The following EPHB1 variants were observed in gnomAD, a reference collection of about 807,000 sequenced individuals.
The protein encoded by EPHB1 is EPH receptor B1.
In EPHB1, 30 loss-of-function variants were observed where a neutral mutation model predicts 94.4. The ratio of observed to expected loss-of-function variants is 0.32; its 90% CI spans 0.24 to 0.43. The LOEUF is 0.43. Ranked by LOEUF, EPHB1 falls within the 20% of genes least tolerant of loss-of-function variation. The pLI, the probability that EPHB1 is intolerant of heterozygous loss-of-function variation, is 1.00. For synonymous variants in EPHB1, 522 were observed against 489.1 expected, an observed-to-expected ratio of 1.07 and a Z score of -0.89; for missense variants, 1,055 against 1,308.3, an observed-to-expected ratio of 0.81 and a Z score of 2.99.
intron 1 of EPHB1, among the ~76,000 whole-genome samples, chr3:134,814,774 G>A (rs1042728154): frequency 6.6e-6 from 1 of 152,244 alleles, no homozygotes; most frequent in African/African-American, 2.4e-5. Context: ...TGCCATTGCA[G>A]ACGAAGCTTC....
intron 1 of EPHB1, among the ~76,000 whole-genome samples, chr3:134,879,130 C>T (rs1043019807): frequency 3.9e-5 from 6 of 152,170 alleles, no homozygotes; most frequent in Non-Finnish European, 8.8e-5. Flanking sequence ...GGAAACCCTC[C>T]TCCCCTTTTG....
At chr3:134,815,748 A>T (rs2036257394) in intron 1 of EPHB1, among the ~76,000 whole-genome samples, 1 of 151,586 alleles carries the variant, frequency 6.6e-6, no homozygotes, top group Non-Finnish European at 1.5e-5. Context: ...TTTTGATGCC[A>T]GGGACTTTCT....
rs142213501 is a variant in EPHB1 at position 135,251,738 on chromosome 3, G to A, written c.2846+2247G>A. 1.4e-3 allele frequency among the ~76,000 whole-genome samples: 213 copies of A among 152,332 alleles called. 2 individuals carry two copies. Among genetic ancestry groups the A allele is most frequent in the African/African-American group, 4.9e-3 (204 of 41,572 alleles). ...TCCCTTGGGAGACTGACTACCAGCT[G>A]AAAAGGGCATGGTGTGGGAGAGCCA... On this transcript the variant is annotated intron_variant, in intron 15 of 15. Transcript: ENST00000398015.
chr3:135,106,649 A>G (rs369730073), intron 4 of EPHB1, 46 bp downstream of exon 4: 109 of 1,607,042 alleles, frequency 6.8e-5, no homozygotes, highest in Middle Eastern at 5.0e-4. Context: ...TGGTTCCCTG[A>G]TGGTGCAAGT....
At chr3:135,232,512 A>C (rs1414256858) in intron 12 of EPHB1, among the ~76,000 whole-genome samples, 1 of 152,250 alleles carries the variant, frequency 6.6e-6, no homozygotes, top group African/African-American at 2.4e-5. Flanking sequence ...TGCCAACTCC[A>C]GGGTGACTCT....
At chr3:135,057,763 T>C (rs1937387762) in intron 3 of EPHB1, among the ~76,000 whole-genome samples, 1 of 152,252 alleles carries the variant, frequency 6.6e-6, no homozygotes, top group South Asian at 2.1e-4. Flanking sequence ...TATGTGTACA[T>C]ATATCTGTAT....
At chr3:135,256,257 C>G (rs1933380471) in intron 15 of EPHB1, among the ~76,000 whole-genome samples, 2 of 152,136 alleles carry the variant, frequency 1.3e-5, no homozygotes, top group Admixed American at 1.3e-4. Context: ...TTGATTCTGT[C>G]ATTATGATGT....
In EPHB1 at chr3:135,048,259, C is replaced by CTTTTTTTTTT. The variant is rs34135757; in HGVS notation, c.806-58175_806-58166dup. ...TTTTCTTTTTCTTTCTTTCTTTTTT[C>CTTTTTTTTTT]TTTTTTTTTTTTTTTTTTTTTTTGA... On this transcript the variant is annotated intron_variant, in intron 3 of 15. Coordinates refer to ENST00000398015, the MANE Select transcript of EPHB1 (RefSeq NM_004441.5). Among the ~76,000 whole-genome samples the CTTTTTTTTTT allele has an allele frequency of 1.7e-3, 94 of 55,208 alleles. 1 individual carries two copies. Among genetic ancestry groups the CTTTTTTTTTT allele is most frequent in the East Asian group, 1.9e-3 (3 of 1,584 alleles). The allele number at this position is 55,208 out of a possible 152,430, so 36.2% of individuals were successfully genotyped here. A position where few individuals can be genotyped will look rare whatever the true frequency, so the allele number is the denominator to read the frequency against.
chr3:135,178,978 A>G (rs530651787), intron 9 of EPHB1, among the ~76,000 whole-genome samples: 25 of 152,284 alleles, frequency 1.6e-4, no homozygotes, highest in African/African-American at 5.8e-4. Context: ...TTGAAAAATT[A>G]CATTGTGAAT....
intron 5 of EPHB1, among the ~76,000 whole-genome samples, chr3:135,149,665 A>G (rs781472983): frequency 6.6e-6 from 1 of 152,244 alleles, no homozygotes; most frequent in Non-Finnish European, 1.5e-5. Context: ...CGTGATTTTC[A>G]GGGAGGATAA....
intron 3 of EPHB1, among the ~76,000 whole-genome samples, chr3:135,006,301 G>A (rs1172675744): frequency 6.6e-6 from 1 of 152,190 alleles, no homozygotes; most frequent in African/African-American, 2.4e-5. Flanking sequence ...GAGACAGAAA[G>A]TAGAACAGAG....
chr3:135,157,362 C>T (rs565329711), intron 6 of EPHB1, among the ~76,000 whole-genome samples: 2 of 152,344 alleles, frequency 1.3e-5, no homozygotes, highest in East Asian at 3.9e-4. Context: ...TTGGCTCCTT[C>T]CTCCCAAACC....
intron 1 of EPHB1, among the ~76,000 whole-genome samples, chr3:134,815,845 T>G (rs2108287825): frequency 6.6e-6 from 1 of 152,334 alleles, no homozygotes. Context: ...TATAGAAAAG[T>G]CAAAAGTATG....
chr3:134,841,933 G>A (rs2036785582), intron 1 of EPHB1, among the ~76,000 whole-genome samples: 1 of 152,126 alleles, frequency 6.6e-6, no homozygotes, highest in Admixed American at 6.5e-5. Flanking sequence ...TTGAGAGCTG[G>A]GGAAAGGATA....
intron 10 of EPHB1, among the ~76,000 whole-genome samples, chr3:135,181,540 CTGTT>C (rs1409312138): frequency 2.0e-5 from 3 of 152,130 alleles, no homozygotes; most frequent in African/African-American, 7.2e-5. Flanking sequence ...GTCCTGTACT[CTGTT>C]TGCTCGTGTT....
Position 135,154,239 on chromosome 3 carries a change from G to A in EPHB1, c.1385G>A (p.Gly462Asp), listed in dbSNP as rs2107695148. The A allele has an allele frequency of 6.2e-7, 1 of 1,613,998 alleles. No individual in the cohort carries two copies. Among genetic ancestry groups the A allele is most frequent in the South Asian group, 1.1e-5 (1 of 91,088 alleles). The change falls in exon 6 of 16, where the codon GGC becomes GAC. Residue 462 changes from glycine to aspartate, a missense_variant. Coordinates refer to ENST00000398015, the MANE Select transcript of EPHB1 (RefSeq NM_004441.5). ...TGGCCACAGCCGGAGCAGCCCAATG[G>A]CATCATCCTGGACTATGAGATCCGG... ...LSWPQPEQPN[G>D]IILDYEIRYY...
intron 3 of EPHB1, among the ~76,000 whole-genome samples, chr3:135,088,679 C>T (rs1198593664): frequency 6.6e-6 from 1 of 152,170 alleles, no homozygotes; most frequent in African/African-American, 2.4e-5. Context: ...GAAGAGCTAA[C>T]TTTCTCCCAG....
chr3:134,872,686 A>C (rs1316359342), intron 1 of EPHB1, among the ~76,000 whole-genome samples: 1 of 152,226 alleles, frequency 6.6e-6, no homozygotes, highest in East Asian at 1.9e-4. Flanking sequence ...CTCCCTGCTT[A>C]AGCTCCTTCA....
chr3:134,921,367 G>A (rs1031121976), intron 1 of EPHB1, among the ~76,000 whole-genome samples: 1 of 152,146 alleles, frequency 6.6e-6, no homozygotes, highest in Admixed American at 6.5e-5. Flanking sequence ...CACACAGGGC[G>A]AATCTCCCTG....
Sources: gnomAD v4.1 joint callset for allele counts (sites outside exome capture counted in the v4.1 genomes callset) on GRCh38, gnomAD v4.1.1 for gene constraint, MANE v1.5 for transcripts, NCBI Gene and HGNC (gene_info 2026-07-23, HGNC 2026-07-21) for gene names.